Variants in AGBL1 observed in about 807,000 individuals in gnomAD.
AGBL1 encodes the protein cytosolic carboxypeptidase 4.
In AGBL1, 130 loss-of-function variants were observed where a neutral mutation model predicts 118.9. The ratio of observed to expected loss-of-function variants is 1.09; its 90% CI spans 0.95 to 1.26. The LOEUF (loss-of-function observed/expected upper bound fraction) is 1.26, where lower values mean the gene tolerates loss of function less well. Among genes scored for constraint, AGBL1 ranks in the 50% most tolerant of loss-of-function variants. The pLI, the probability that AGBL1 is intolerant of heterozygous loss-of-function variation, is 0.00. For missense variants in AGBL1, 1,584 were observed against 1,298.1 expected (o/e 1.22, Z -3.38); for synonymous variants, 555 against 478.9 (o/e 1.16, Z -2.08).
intron 22 of AGBL1, among the ~76,000 whole-genome samples, chr15:86,777,797 C>CA (rs1215494397): frequency 2.0e-5 from 3 of 152,010 alleles, no homozygotes; most frequent in African/African-American, 7.2e-5. Flanking sequence ...TTTTTATCCA[C>CA]ATTTAACATA....
chr15:86,167,219 T>C (rs536669030), intron 5 of AGBL1, among the ~76,000 whole-genome samples: 7 of 151,870 alleles, frequency 4.6e-5, no homozygotes, highest in Admixed American at 2.0e-4. Context: ...CCTTTTACTT[T>C]GAGGGAACTG....
intron 22 of AGBL1, among the ~76,000 whole-genome samples, chr15:86,698,385 T>C (rs2086298561): frequency 6.6e-6 from 1 of 151,976 alleles, no homozygotes; most frequent in Non-Finnish European, 1.5e-5. Flanking sequence ...GATACTGAGG[T>C]TCAGAGTGAT....
At chr15:86,394,381 A>G (rs2081332982) in intron 17 of AGBL1, among the ~76,000 whole-genome samples, 1 of 152,160 alleles carries the variant, frequency 6.6e-6, no homozygotes, top group South Asian at 2.1e-4. Flanking sequence ...TTTCTAAAAC[A>G]CACATGTCAA....
exon 25 of AGBL1, chr15:87,028,831 T>C (rs372382444): frequency 6.2e-7 from 1 of 1,605,862 alleles, no homozygotes; most frequent in African/African-American, 1.3e-5. Context: ...TCAGAGTTTG[T>C]GACACTTGAT....
At chr15:86,858,630 T>C (rs2079519077) in intron 22 of AGBL1, among the ~76,000 whole-genome samples, 1 of 152,202 alleles carries the variant, frequency 6.6e-6, no homozygotes, top group Non-Finnish European at 1.5e-5. Context: ...GCAAAGAAAC[T>C]AACCCCCTTG....
At position 86,264,328 on chromosome 15, in the gene AGBL1, C is replaced by T. The variant is rs748626906; in HGVS notation, c.1157C>T (p.Pro386Leu). The T allele has an allele frequency of 7.4e-6, 12 of 1,612,086 alleles. No homozygotes were observed. The highest frequency in any genetic ancestry group is 9.3e-6 in the Non-Finnish European group (11 of 1,179,068). The change falls in exon 11 of 23, where the codon CCA becomes CTA. Residue 386 changes from proline to leucine, a missense_variant. Physicochemically the swap from Pro to Leu is moderately conservative, Grantham distance 98. Transcript: ENST00000614907. ...KTQYANHHHI[P>L]AAASSKQHCY... is the part of the protein sequence containing the mutation. ...CAGTATGCCAATCACCACCACATTCCAGCCGCTGCCTCCTCAAAACAGCAT... is the reference window on the plus strand; with the variant it reads ...CAGTATGCCAATCACCACCACATTCTAGCCGCTGCCTCCTCAAAACAGCAT...
intron 21 of AGBL1, among the ~76,000 whole-genome samples, chr15:86,562,231 G>T (rs1317662644): frequency 6.6e-6 from 1 of 152,154 alleles, no homozygotes; most frequent in African/African-American, 2.4e-5. Flanking sequence ...AGTTTTCAAA[G>T]GGAATGCTTC....
chr15:86,170,073 G>T (rs1385649414), intron 5 of AGBL1, among the ~76,000 whole-genome samples: 1 of 152,112 alleles, frequency 6.6e-6, no homozygotes. Context: ...ATCAAAACCA[G>T]AACTGAGATA....
chr15:86,439,776 C>G (rs2082039465), intron 18 of AGBL1, among the ~76,000 whole-genome samples: 1 of 152,138 alleles, frequency 6.6e-6, no homozygotes, highest in Non-Finnish European at 1.5e-5. Context: ...GAGTTAAATT[C>G]CTCCTCTCTC....
intron 22 of AGBL1, among the ~76,000 whole-genome samples, chr15:86,877,331 A>G (rs184551311): frequency 6.6e-6 from 1 of 152,296 alleles, no homozygotes; most frequent in East Asian, 1.9e-4. Context: ...CTAAGTGGAT[A>G]GCACCAAACT....
chr15:86,697,376 C>T (rs977884979), intron 22 of AGBL1, among the ~76,000 whole-genome samples: 30 of 151,786 alleles, frequency 2.0e-4, no homozygotes, highest in Middle Eastern at 6.8e-3. Flanking sequence ...TTTGCTTGTT[C>T]GATTCTATTG....
chr15:86,263,771 G>A (rs542443542), intron 10 of AGBL1, among the ~76,000 whole-genome samples: 2 of 152,288 alleles, frequency 1.3e-5, no homozygotes, highest in Non-Finnish European at 2.9e-5. Context: ...ATGGCTCTTA[G>A]TAATCATGAA....
chr15:86,563,975 T>G (rs1028373610), intron 21 of AGBL1, among the ~76,000 whole-genome samples: 20 of 152,342 alleles, frequency 1.3e-4, no homozygotes, highest in Middle Eastern at 6.8e-3. Context: ...TTGTTTTCCA[T>G]TTGCTTGGTA....
chr15:86,415,187 C>A (rs530785115), intron 18 of AGBL1, among the ~76,000 whole-genome samples: 3 of 152,226 alleles, frequency 2.0e-5, no homozygotes, highest in Admixed American at 1.3e-4. Flanking sequence ...TTGTACTCCC[C>A]ACCAATGATC....
intron 22 of AGBL1, among the ~76,000 whole-genome samples, chr15:86,709,210 G>C (rs73443592): frequency 6.6e-6 from 1 of 152,068 alleles, no homozygotes; most frequent in South Asian, 2.1e-4. Context: ...CCAGGCACTT[G>C]TATAAAACTT....
chr15:86,831,069 G>A (rs1293760383), intron 22 of AGBL1, among the ~76,000 whole-genome samples: 1 of 152,152 alleles, frequency 6.6e-6, no homozygotes, highest in Non-Finnish European at 1.5e-5. Flanking sequence ...GCATGTGCAG[G>A]AGACCTCTTC....
chr15:87,028,903 C>G, exon 25 of AGBL1: 2 of 1,535,410 alleles, frequency 1.3e-6, no homozygotes, highest in Non-Finnish European at 1.8e-6. Context: ...CCTCCTGGAT[C>G]TGTGAGGAAA....
rs1467522866 is a variant in AGBL1, at chr15:86,674,246, A to G, written c.2995-27A>G. ...CACTCAGCTCCCATTATACGTTGCC[A>G]CAGTTAATGCTTTGTTTAACTGGCA... On this transcript the variant is annotated intron_variant, in intron 21 of 22. Coordinates refer to ENST00000614907, the MANE Select transcript of AGBL1 (RefSeq NM_001386094.1). 6 of 1,587,684 alleles carry G rather than the reference A, an allele frequency of 3.8e-6. No individual in the cohort carries two copies. The South Asian group carries it at 6.8e-5, about 18-fold the overall frequency.
rs376001406 is a variant in AGBL1 at position 86,898,390 on chromosome 15, A to G, written c.3159-8697A>G. On this transcript the variant is annotated intron_variant, in intron 22 of 22. Transcript: ENST00000614907. ...TTGAGTTAATTTTTGTATATAGTGT[A>G]AAGAAGGGGTCCAGCTTCAATCTGC... Among the ~76,000 whole-genome samples, 8 of 152,278 alleles carry G rather than the reference A, an allele frequency of 5.3e-5. 1 individual carries two copies. The highest frequency in any genetic ancestry group is 2.6e-4 in the Admixed American group (4 of 15,294).
Sources: allele counts gnomAD v4.1 joint callset (sites outside exome capture counted in the v4.1 genomes callset), GRCh38; gene constraint gnomAD v4.1.1; transcripts MANE v1.5; gene names NCBI Gene and HGNC (gene_info 2026-07-23, HGNC 2026-07-21).